The following FHIP2A variants were observed in gnomAD, a reference collection of about 807,000 sequenced individuals.
FHIP2A encodes family with sequence similarity 160 member B1.
Under a neutral mutation model 93.5 loss-of-function variants are expected in FHIP2A, and 46 were observed. That is an observed-to-expected ratio of 0.49 (90% confidence interval 0.39 to 0.63). The LOEUF (loss-of-function observed/expected upper bound fraction) is 0.63. Ranked by LOEUF, FHIP2A falls within the 20% of genes least tolerant of loss-of-function variation. The pLI, the probability that FHIP2A is intolerant of heterozygous loss-of-function variation, is 0.00. For synonymous variants in FHIP2A, 332 were observed against 326.5 expected (o/e 1.02, Z -0.18); for missense variants, 769 against 909.7 (o/e 0.85, Z 1.99).
At chr10:114,848,216 A>G (rs1259365380) in intron 12 of FHIP2A, among the ~76,000 whole-genome samples, 1 of 152,160 alleles carries the variant, frequency 6.6e-6, no homozygotes, top group East Asian at 1.9e-4. Context: ...GAAAAATTGC[A>G]TGTGGCTCAA....
At chr10:114,875,027 A>C (rs896423534) in intron 16 of FHIP2A, among the ~76,000 whole-genome samples, 5 of 152,200 alleles carry the variant, frequency 3.3e-5, no homozygotes, top group African/African-American at 1.2e-4. Context: ...GTGCATCTTC[A>C]GCTGTATCTT....
At chr10:114,884,969 G>A (rs1267814342) in intron 16 of FHIP2A, among the ~76,000 whole-genome samples, 4 of 151,414 alleles carry the variant, frequency 2.6e-5, no homozygotes, top group Non-Finnish European at 4.4e-5. Flanking sequence ...GATATTCAGG[G>A]TAAGAATGCA....
chr10:114,844,029 T>C lies in FHIP2A; in HGVS notation c.1013+92T>C, dbSNP rs932728456. ...TCTATTTTGCAATGGTAGAAGTCTT[T>C]GAAAAATTGAACACCACTAGTGATC... is the stretch of plus-strand genomic sequence containing the variant. On this transcript the variant is annotated intron_variant, in intron 7 of 16. Coordinates refer to ENST00000369248, the MANE Select transcript of FHIP2A (RefSeq NM_020940.4). 5 of 1,017,536 alleles carry C rather than the reference T, an allele frequency of 4.9e-6. No individual in the cohort carries two copies. In the South Asian group the frequency reaches 7.5e-5, roughly 15 times the overall value. 63.0% of individuals were successfully genotyped at this position (1,017,536 alleles called of 1,614,324 possible). A position where few individuals can be genotyped will look rare whatever the true frequency, so the allele number is the denominator to read the frequency against.
intron 1 of FHIP2A, among the ~76,000 whole-genome samples, chr10:114,825,679 C>A (rs2083571726): frequency 6.6e-6 from 1 of 152,224 alleles, no homozygotes; most frequent in Admixed American, 6.5e-5. Flanking sequence ...TGTCACAAGT[C>A]TGAATTCAGG....
chr10:114,823,242 T>C (rs2083549634), intron 1 of FHIP2A, among the ~76,000 whole-genome samples: 1 of 152,156 alleles, frequency 6.6e-6, no homozygotes, highest in South Asian at 2.1e-4. Flanking sequence ...AAGTGATACA[T>C]GAGAAGCGTT....
chr10:114,842,938 G>A lies in FHIP2A; in HGVS notation c.528G>A (p.Lys176=). Residue 176 remains lysine, a synonymous_variant, in exon 6 of 17, where the codon AAG becomes AAA. Coordinates refer to ENST00000369248, the MANE Select transcript of FHIP2A (RefSeq NM_020940.4). The part of the protein sequence containing the change: ...PYLVNFFLEN[K]MKSLASKGVP... ...AAACATATATTCCTTTTCAGAATAA[G>A]ATGAAATCATTGGCTTCCAAAGGAG... 2.5e-6 allele frequency: 4 copies of A among 1,588,878 alleles called. No homozygotes were observed. Among genetic ancestry groups the A allele is most frequent in the Non-Finnish European group, 3.4e-6 (4 of 1,159,856 alleles).
intron 13 of FHIP2A, among the ~76,000 whole-genome samples, chr10:114,849,278 A>C (rs2143011858): frequency 6.6e-6 from 1 of 152,028 alleles, no homozygotes; most frequent in South Asian, 2.1e-4. Context: ...TTTAAATTAT[A>C]TCTCACCCGG....
In FHIP2A at chr10:114,843,754, C is replaced by A; in HGVS notation, c.830C>A (p.Ala277Asp). 1 of 1,547,720 alleles carries A rather than the reference C, an allele frequency of 6.5e-7. No homozygotes were observed. Among genetic ancestry groups the A allele is most frequent in the Non-Finnish European group, 8.7e-7 (1 of 1,153,588 alleles). The change falls in exon 7 of 17, where the codon GCT becomes GAT. Residue 277 changes from alanine (A) to aspartate (D), a missense_variant. Coordinates refer to ENST00000369248, the MANE Select transcript of FHIP2A (RefSeq NM_020940.4). ...TTTTTCCTTTAGGATGGCAGAATAG[C>A]TGTGAAGGCATGTGAAGGCTTGATG... The part of the protein sequence containing the change: ...NLTRSPDGRI[A>D]VKACEGLMLL...
At chr10:114,850,753 T>A (rs1016981523) in intron 13 of FHIP2A, among the ~76,000 whole-genome samples, 1 of 152,166 alleles carries the variant, frequency 6.6e-6, no homozygotes, top group African/African-American at 2.4e-5. Context: ...ATTTGTCTTT[T>A]TATTGTTGAG....
At position 114,822,843 on chromosome 10, in the gene FHIP2A, G is replaced by A. The variant is rs2083544111; in HGVS notation, c.45+720G>A. ...CCTTTCTTGTCTAGTTCTCTTCCTG[G>A]ACACTCTTCGTTTATCCTGCAATTG... On this transcript the variant is annotated intron_variant, in intron 1 of 16. Coordinates refer to ENST00000369248, the MANE Select transcript of FHIP2A (RefSeq NM_020940.4). Among the ~76,000 whole-genome samples, 5 of 152,140 alleles carry A rather than the reference G, an allele frequency of 3.3e-5. No individual in the cohort carries two copies. In the South Asian group the frequency reaches 1.0e-3, roughly 32 times the overall value.
At chr10:114,884,669 T>C (rs934400885) in intron 16 of FHIP2A, among the ~76,000 whole-genome samples, 7 of 152,040 alleles carry the variant, frequency 4.6e-5, no homozygotes, top group Admixed American at 2.6e-4. Context: ...TCCCAGCACT[T>C]TGGGAGGCTG....
chr10:114,844,012 G>T, intron 7 of FHIP2A, 75 bp downstream of exon 7: 3 of 1,262,390 alleles, frequency 2.4e-6, no homozygotes, highest in Non-Finnish European at 3.2e-6. Context: ...TTTCTATTTT[G>T]CAATGGTAGA....
chr10:114,869,096 G>A (rs2083844712), downstream of FHIP2A, among the ~76,000 whole-genome samples: 1 of 152,126 alleles, frequency 6.6e-6, no homozygotes, highest in South Asian at 2.1e-4. Context: ...CTATAATGCA[G>A]AAAGATGAGA....
At chr10:114,884,937 G>A (rs894396492) in intron 16 of FHIP2A, among the ~76,000 whole-genome samples, 1 of 147,610 alleles carries the variant, frequency 6.8e-6, no homozygotes, top group African/African-American at 2.5e-5. Flanking sequence ...GCCAATATAT[G>A]TAGAGTACTA....
At chr10:114,834,727 C>A (rs546713590) in intron 3 of FHIP2A, among the ~76,000 whole-genome samples, 1 of 152,232 alleles carries the variant, frequency 6.6e-6, no homozygotes, top group Admixed American at 6.5e-5. Flanking sequence ...ATTAAACATT[C>A]TTTGCCTATT....
intron 16 of FHIP2A, among the ~76,000 whole-genome samples, chr10:114,873,176 C>A (rs2083867628): frequency 6.6e-6 from 1 of 152,188 alleles, no homozygotes; most frequent in East Asian, 1.9e-4. Flanking sequence ...GCAGTGTCTG[C>A]AGCTGTTCTT....
chr10:114,866,097 A>G (rs2083827591), downstream of FHIP2A, among the ~76,000 whole-genome samples: 1 of 152,018 alleles, frequency 6.6e-6, no homozygotes, highest in Non-Finnish European at 1.5e-5. Flanking sequence ...CCCCACATGC[A>G]TTAGCTATTT....
chr10:114,863,021 A>G lies in FHIP2A; in HGVS notation c.*1481A>G, dbSNP rs1258504699. On this transcript the variant is annotated 3_prime_UTR_variant, in exon 17 of 17. Coordinates refer to ENST00000369248, the MANE Select transcript of FHIP2A (RefSeq NM_020940.4). ...GTTTATTTCATAGTTTGTTCTTGCT[A>G]TTTATTAAGAACAGAATATCAAAAG... 2 of 985,224 alleles carry G rather than the reference A, an allele frequency of 2.0e-6. No homozygotes were observed. The highest frequency in any genetic ancestry group is 2.4e-6 in the Non-Finnish European group (2 of 829,898). The allele number at this position is 985,224 out of a possible 1,614,324, so 61.0% of individuals were successfully genotyped here.
chr10:114,859,790 G>T (rs948060144), intron 14 of FHIP2A, among the ~76,000 whole-genome samples: 6 of 152,206 alleles, frequency 3.9e-5, no homozygotes, highest in Admixed American at 2.0e-4. Context: ...ACTGTACACA[G>T]ATATACAGTT....
Sources: gnomAD v4.1 joint callset for allele counts (sites outside exome capture counted in the v4.1 genomes callset) on GRCh38, gnomAD v4.1.1 for gene constraint, MANE v1.5 for transcripts, NCBI Gene and HGNC (gene_info 2026-07-23, HGNC 2026-07-21) for gene names.